HLA-DOA: variants seen among roughly 807,000 people sequenced by gnomAD.
HLA-DOA encodes the protein HLA class II histocompatibility antigen, DO alpha chain.
In HLA-DOA, 27 loss-of-function variants were observed where a neutral mutation model predicts 22.9. The ratio of observed to expected loss-of-function variants is 1.18; its 90% confidence interval spans 0.87 to 1.62. HLA-DOA has a LOEUF of 1.62. Ranked by LOEUF, HLA-DOA falls within the 40% of genes most tolerant of loss-of-function variation. The pLI is 0.00. For synonymous variants in HLA-DOA, 137 were observed against 138.6 expected (o/e 0.99, Z 0.08); for missense variants, 324 against 332.4 (o/e 0.97, Z 0.20).
In HLA-DOA at chr6:33,007,814, G is replaced by A. The variant is rs919356007; in HGVS notation, c.331+199C>T. 3.4e-5 allele frequency: 29 copies of A among 848,764 alleles called. No individual in the cohort carries two copies. The African/African-American group carries it at 3.9e-4, about 11-fold the overall frequency. The allele number at this position is 848,764 out of a possible 1,614,324, so 52.6% of individuals were successfully genotyped here. ...TTGACTGGTCCCTGGGCGGGAGTCC[G>A]GGTGAGAGGTGTCATTCCTCAAGGA... is the stretch of plus-strand genomic sequence containing the variant. On this transcript the variant is annotated intron_variant, in intron 2 of 4. Transcript: ENST00000229829.
At position 33,008,087 on chromosome 6, in the gene HLA-DOA, A is replaced by C; in HGVS notation, c.257T>G (p.Leu86Arg). Reference protein sequence around the residue: ...DFARFDPQGGLAGIAAIKAHL... With the variant: ...DFARFDPQGGRAGIAAIKAHL... ...GGCTTTGATTGCGGCGATGCCGGCC[A>C]GCCCGCCCTGCGGGTCAAAGCGGGC... Residue 86 changes from leucine (L) to arginine (R), a missense_variant, in exon 2 of 5, where the codon CTG becomes CGG. Leu to Arg is a moderately radical substitution (Grantham distance 102). Coordinates refer to ENST00000229829, the MANE Select transcript of HLA-DOA (RefSeq NM_002119.4). The C allele has an allele frequency of 6.2e-7, 1 of 1,613,084 alleles. No homozygotes were observed. Among genetic ancestry groups the C allele is most frequent in the East Asian group, 2.2e-5 (1 of 44,880 alleles).
chr6:33,008,038 G>A lies in HLA-DOA; in HGVS notation c.306C>T (p.Arg102=). 6.2e-7 allele frequency: 1 copy of A among 1,612,904 alleles called. No individual in the cohort carries two copies. The highest frequency in any genetic ancestry group is 8.5e-7 in the Non-Finnish European group (1 of 1,179,990). The change falls in exon 2 of 5, where the codon CGC becomes CGT. Residue 102 remains arginine (R), a synonymous_variant. Coordinates refer to ENST00000229829, the MANE Select transcript of HLA-DOA (RefSeq NM_002119.4). ...IKAHLDILVE[R]SNRSRAINVP... is the part of the protein sequence containing the mutation. ...CGTTGATGGCTCTGCTGCGGTTGGA[G>A]CGCTCCACCAGGATGTCCAGATGGG...
chr6:33,008,161 G>T lies in HLA-DOA; in HGVS notation c.183C>A (p.Asp61Glu). ...EFDEEQLFSV[D>E]LKKSEAVWRL... ...GCCACACGGCCTCGCTTTTCTTCAG[G>T]TCCACAGAGAACAGCTGTTCCTCAT... Residue 61 changes from aspartate to glutamate, a missense_variant, in exon 2 of 5, where the codon GAC (aspartate) becomes GAA (glutamate). Transcript: ENST00000229829. 1 of 1,613,084 alleles carries T rather than the reference G, an allele frequency of 6.2e-7. No homozygotes were observed. The highest frequency in any genetic ancestry group is 2.2e-5 in the East Asian group (1 of 44,880).
chr6:33,007,087 C>T lies in HLA-DOA; in HGVS notation c.742G>A (p.Val248Ile). Residue 248 changes from valine to isoleucine, a missense_variant, in exon 4 of 5, where the codon GTC (valine) becomes ATC (isoleucine). Val to Ile is a conservative substitution (Grantham distance 29). Coordinates refer to ENST00000229829, the MANE Select transcript of HLA-DOA (RefSeq NM_002119.4). ...CTCCCGGGGCCTCTGCACCTGGGGACACTGGACACATATGTGCCCATGATG... is the reference window on the plus strand; with the variant it reads ...CTCCCGGGGCCTCTGCACCTGGGGATACTGGACACATATGTGCCCATGATG... The part of the protein sequence containing the change: ...LIIMGTYVSS[V>I]PR The T allele has an allele frequency of 6.2e-7, 1 of 1,611,422 alleles. No homozygotes were observed. The highest frequency in any genetic ancestry group is 8.5e-7 in the Non-Finnish European group (1 of 1,178,664).
intron 1 of HLA-DOA, chr6:33,008,516 G>T: frequency 1.0e-6 from 1 of 967,934 alleles, no homozygotes; most frequent in Non-Finnish European, 1.4e-6. Context: ...AGGAGGGACT[G>T]CCTAAAATCA....
chr6:33,008,528 G>T, intron 1 of HLA-DOA: 1 of 837,856 alleles, frequency 1.2e-6, no homozygotes, highest in Non-Finnish European at 1.6e-6. Flanking sequence ...CTAAAATCAT[G>T]CTTGGGGTTC....
chr6:33,008,339 C>A, intron 1 of HLA-DOA, 78 bp from the exon 2 acceptor site: 8 of 1,555,662 alleles, frequency 5.1e-6, no homozygotes, highest in Non-Finnish European at 5.2e-6. Context: ...TTGTTGAGTC[C>A]CTGAGCCTGG....
At chr6:33,008,442 G>A in intron 1 of HLA-DOA, 181 bp from the exon 2 acceptor site, 1 of 1,419,244 alleles carries the variant, frequency 7.0e-7, no homozygotes, top group Non-Finnish European at 9.2e-7. Context: ...GGAAGAAAGA[G>A]GCTCATCCCA....
Position 33,007,558 on chromosome 6 carries a change from C to A in HLA-DOA, c.366G>T (p.Arg122=), listed in dbSNP as rs753011786. ...GGATGTTGGGCTGGCCCAGCTCCAC[C>A]CGAGACTTGGGGAGCACGGTCACCC... ...PPRVTVLPKS[R]VELGQPNILI... The change falls in exon 3 of 5, where the codon CGG becomes CGT. Residue 122 remains arginine (R), a synonymous_variant. Transcript: ENST00000229829. 1 of 1,612,790 alleles carries A rather than the reference C, an allele frequency of 6.2e-7. No homozygotes were observed. Among genetic ancestry groups the A allele is most frequent in the South Asian group, 1.1e-5 (1 of 91,058 alleles).
chr6:33,008,537 TC>T, intron 1 of HLA-DOA: 1 of 781,068 alleles, frequency 1.3e-6, no homozygotes, highest in Non-Finnish European at 1.7e-6. Flanking sequence ...TGCTTGGGGT[TC>T]CAGAATTTAA....
intron 4 of HLA-DOA, 85 bp from the exon 5 acceptor site, chr6:33,006,926 C>T (rs924232392): frequency 6.3e-6 from 9 of 1,439,404 alleles, no homozygotes; most frequent in Non-Finnish European, 8.8e-6. Flanking sequence ...TCCCCCAAAA[C>T]CTCACTCTCT....
rs1780732536 is a variant in HLA-DOA, at chr6:33,004,441, T to A, written c.*2397A>T. The A allele has an allele frequency of 6.6e-6, 1 of 152,218 alleles. No individual in the cohort carries two copies. The highest frequency in any genetic ancestry group is 1.5e-5 in the Non-Finnish European group (1 of 68,042). 9.4% of individuals were successfully genotyped at this position (152,218 alleles called of 1,614,324 possible). ...TTGAGATCTTGATTCCTGCTCTAAC[T>A]ACACAGGGCTGGGATGGACACCTGC... On this transcript the variant is annotated 3_prime_UTR_variant, in exon 5 of 5. Coordinates refer to ENST00000229829, the MANE Select transcript of HLA-DOA (RefSeq NM_002119.4).
intron 2 of HLA-DOA, 97 bp from the exon 3 acceptor site, chr6:33,007,689 TG>T: frequency 2.2e-6 from 3 of 1,390,776 alleles, no homozygotes; most frequent in Non-Finnish European, 2.9e-6. Flanking sequence ...TAGCCATCTG[TG>T]GGCAGGGGAT....
At chr6:33,007,709 G>T (rs1780882062) in intron 2 of HLA-DOA, 117 bp from the exon 3 acceptor site, 3 of 1,204,360 alleles carry the variant, frequency 2.5e-6, no homozygotes, top group Non-Finnish European at 1.2e-6. Flanking sequence ...ATGCTCTGGG[G>T]TATCCACTGG....
chr6:33,008,871 A>T (rs1477765975), intron 1 of HLA-DOA, among the ~76,000 whole-genome samples: 1 of 152,114 alleles, frequency 6.6e-6, no homozygotes, highest in Non-Finnish European at 1.5e-5. Flanking sequence ...CTCTTCCATA[A>T]CTGTTGTCTA....
rs560628805 is a variant in HLA-DOA at position 33,004,841 on chromosome 6, A to G, written c.*1997T>C. On this transcript the variant is annotated 3_prime_UTR_variant, in exon 5 of 5. Coordinates refer to ENST00000229829, the MANE Select transcript of HLA-DOA (RefSeq NM_002119.4). ...CAAAGAGGGTTTCTGTTACTGGCAC[A>G]CAAAAAGTTTGCCTGAGATGATTCT... 6.6e-6 allele frequency: 1 copy of G among 152,356 alleles called. No individual in the cohort carries two copies. The highest frequency in any genetic ancestry group is 1.5e-5 in the Non-Finnish European group (1 of 68,068). 9.4% of individuals were successfully genotyped at this position (152,356 alleles called of 1,614,324 possible). A position where few individuals can be genotyped will look rare whatever the true frequency, so the allele number is the denominator to read the frequency against.
intron 1 of HLA-DOA, chr6:33,008,482 A>C: frequency 1.6e-6 from 2 of 1,257,368 alleles, no homozygotes; most frequent in Non-Finnish European, 2.1e-6. Context: ...GAGACAGTGC[A>C]GTCTGGCATA....
At chr6:33,008,288 G>T in intron 1 of HLA-DOA, 27 bp from the exon 2 acceptor site, 1 of 1,603,596 alleles carries the variant, frequency 6.2e-7, no homozygotes, top group South Asian at 1.1e-5. Flanking sequence ...CAGGGTCAAG[G>T]AGAGAGAAAA....
At position 33,009,573 on chromosome 6, in the gene HLA-DOA, G is replaced by A. The variant is rs770293326; in HGVS notation, c.-37C>T. The A allele has an allele frequency of 8.7e-6, 13 of 1,489,268 alleles. 1 individual carries two copies. In the South Asian group the frequency reaches 1.2e-4, roughly 14 times the overall value. The allele number at this position is 1,489,268 out of a possible 1,614,324, so 92.3% of individuals were successfully genotyped here. ...GCTTTAATCAAATCAGTCTCAGTCC[G>A]TGTGGTGAGGACAGGAACAAGGCGG... is the stretch of plus-strand genomic sequence containing the variant. On this transcript the variant is annotated 5_prime_UTR_variant, in exon 1 of 5. It adds an upstream start codon to the 5' untranslated region. Coordinates refer to ENST00000229829, the MANE Select transcript of HLA-DOA (RefSeq NM_002119.4). The surrounding 1 kb of genome is among the most constrained non-coding windows in gnomAD (Gnocchi z 4.8).
Sources: allele counts gnomAD v4.1 joint callset (sites outside exome capture counted in the v4.1 genomes callset), GRCh38; gene constraint gnomAD v4.1.1; non-coding constraint Gnocchi (gnomAD v3.1); transcripts MANE v1.5; gene names NCBI Gene and HGNC (gene_info 2026-07-23, HGNC 2026-07-21).